The following RNF213 variants were observed in gnomAD, a reference collection of about 807,000 sequenced individuals.
RNF213 encodes ring finger protein 213, also known as E3 ubiquitin-protein ligase RNF213.
A neutral mutation model predicts 514.4 loss-of-function variants in RNF213; 341 were observed. The observed-to-expected ratio is 0.66, with a 90% CI of 0.61 to 0.73. RNF213 has a LOEUF of 0.73. RNF213 is among the 30% of genes least tolerant of loss of function. The pLI is 0.00. For missense variants in RNF213, 5,767 were observed against 6,615.6 expected, an observed-to-expected ratio of 0.87 and a Z score of 4.45; for synonymous variants, 2,655 against 2,658.2, an observed-to-expected ratio of 1.00 and a Z score of 0.04.
rs367938983 is a variant in RNF213 at position 80,363,329 on chromosome 17, C to G, written c.11568+15C>G. On this transcript the variant is annotated intron_variant, in intron 40 of 67. Coordinates refer to ENST00000582970, the MANE Select transcript of RNF213 (RefSeq NM_001256071.3). The stretch of plus-strand genomic sequence containing the variant: ...GATGTGAGATGGTATGGCCCTCCTC[C>G]GCCTGCCCTGAGCAAGCCTTGTGGT... The G allele has an allele frequency of 6.2e-7, 1 of 1,611,050 alleles. No homozygotes were observed. The highest frequency in any genetic ancestry group is 1.1e-5 in the South Asian group (1 of 91,010).
At chr17:80,284,202 A>G (rs1420990935) in intron 3 of RNF213, among the ~76,000 whole-genome samples, 1 of 120,340 alleles carries the variant, frequency 8.3e-6, no homozygotes, top group African/African-American at 3.9e-5. Context: ...ACAAAAATAC[A>G]AAAAAAAAAA....
intron 3 of RNF213, among the ~76,000 whole-genome samples, chr17:80,276,990 G>A (rs1263216497): frequency 1.3e-5 from 2 of 151,968 alleles, no homozygotes; most frequent in African/African-American, 4.8e-5. Context: ...CCGGGAGGGG[G>A]AGGTTTCAGT....
Position 80,390,065 on chromosome 17 carries a change from T to A in RNF213, c.15339T>A (p.Asn5113Lys), listed in dbSNP as rs2080400974. 3 of 1,614,192 alleles carry A rather than the reference T, an allele frequency of 1.9e-6. No homozygotes were observed. The highest frequency in any genetic ancestry group is 2.5e-6 in the Non-Finnish European group (3 of 1,180,024). ...ACAAAGCGGATCTGAGCCCGGAAAA[T>A]GCTAAGCTCCTCAGCACATTCCTAA... The part of the protein sequence containing the change: ...SRYKADLSPE[N>K]AKLLSTFLNQ... The change falls in exon 67 of 68, where the codon AAT becomes AAA. Residue 5113 changes from asparagine to lysine, a missense_variant. By Grantham distance (94) the Asn-to-Lys change is moderately conservative (BLOSUM62 0). This residue lies in a region of RNF213 where 1,245 missense variants were observed against 1,339.0 expected (regional missense o/e 0.93). Transcript: ENST00000582970.
At chr17:80,269,383 C>CTAT (rs1598881872) in intron 2 of RNF213, among the ~76,000 whole-genome samples, 1 of 152,120 alleles carries the variant, frequency 6.6e-6, no homozygotes, top group East Asian at 1.9e-4. Flanking sequence ...ATCTATCTAT[C>CTAT]CACCTATCCA....
At chr17:80,307,692 G>A (rs1052331905) in intron 13 of RNF213, among the ~76,000 whole-genome samples, 7 of 152,080 alleles carry the variant, frequency 4.6e-5, no homozygotes, top group Non-Finnish European at 7.4e-5. Context: ...TGGGATTACA[G>A]GCGCATGCCA....
intron 11 of RNF213, among the ~76,000 whole-genome samples, chr17:80,304,094 T>C (rs981039790): frequency 1.7e-4 from 26 of 152,014 alleles, no homozygotes; most frequent in Non-Finnish European, 3.1e-4. Flanking sequence ...TACTTATCTT[T>C]AAATATCTTG....
intron 44 of RNF213, 42 bp downstream of exon 44, chr17:80,368,185 T>G: frequency 6.2e-7 from 1 of 1,604,880 alleles, no homozygotes; most frequent in Non-Finnish European, 8.5e-7. Flanking sequence ...TTTTTTTCAT[T>G]TTCCTTTTTT....
At position 80,379,672 on chromosome 17, in the gene RNF213, G is replaced by C; in HGVS notation, c.13598G>C (p.Gly4533Ala). 3.7e-6 allele frequency: 6 copies of C among 1,614,234 alleles called. No individual in the cohort carries two copies. Among genetic ancestry groups the C allele is most frequent in the Non-Finnish European group, 5.1e-6 (6 of 1,180,042 alleles). The change falls in exon 55 of 68, where the codon GGA becomes GCA. Residue 4533 changes from glycine (G) to alanine (A), a missense_variant. By Grantham distance (60) the Gly-to-Ala change is moderately conservative. Coordinates refer to ENST00000582970, the MANE Select transcript of RNF213 (RefSeq NM_001256071.3). ...TGCATTGACTGCCATGCGCCGATTG[G>C]AGGCATTGACCACAAACCTCGGGAC... ...SICIDCHAPI[G>A]GIDHKPRDGF... is the part of the protein sequence containing the mutation.
chr17:80,303,162 GGA>G (rs1179612942), intron 11 of RNF213, among the ~76,000 whole-genome samples: 2 of 152,176 alleles, frequency 1.3e-5, no homozygotes. Flanking sequence ...CATTCTAGCT[GGA>G]GAGGCAGGCA....
At position 80,367,272 on chromosome 17, in the gene RNF213, G is replaced by A. The variant is rs114745496; in HGVS notation, c.11872-476G>A. Among the ~76,000 whole-genome samples the A allele has an allele frequency of 7.9e-3, 1,201 of 152,310 alleles. 20 individuals carry two copies. Among genetic ancestry groups the A allele is most frequent in the African/African-American group, 0.027 (1,134 of 41,554 alleles). On this transcript the variant is annotated intron_variant, in intron 42 of 67. Coordinates refer to ENST00000582970, the MANE Select transcript of RNF213 (RefSeq NM_001256071.3). ...AGAAATATAGTTATCTCTGGGGAGGGACGGAGGGATGTGAAGTTGTAACTA... is the reference window on the plus strand; with the variant it reads ...AGAAATATAGTTATCTCTGGGGAGGAACGGAGGGATGTGAAGTTGTAACTA...
At chr17:80,354,235 C>G (rs1383392799) in intron 35 of RNF213, 69 bp downstream of exon 35, 6 of 1,569,760 alleles carry the variant, frequency 3.8e-6, no homozygotes, top group African/African-American at 1.3e-5. Context: ...GGCATCATTT[C>G]ACTGTGTGTT....
intron 47 of RNF213, 26 bp downstream of exon 47, chr17:80,372,011 T>C: frequency 8.1e-7 from 1 of 1,230,140 alleles, no homozygotes; most frequent in Non-Finnish European, 1.2e-6. Context: ...CTTCCCTGAA[T>C]TTCTTTTGGA....
In RNF213 at chr17:80,315,149, G is replaced by C. The variant is rs1218863066; in HGVS notation, c.2811+1982G>C. 3.5e-4 allele frequency among the ~76,000 whole-genome samples: 3 copies of C among 8,554 alleles called. 1 individual carries two copies. Among genetic ancestry groups the C allele is most frequent in the Non-Finnish European group, 6.1e-4 (3 of 4,928 alleles). 5.6% of individuals were successfully genotyped at this position (8,554 alleles called of 152,430 possible). On this transcript the variant is annotated intron_variant, in intron 15 of 67. Coordinates refer to ENST00000582970, the MANE Select transcript of RNF213 (RefSeq NM_001256071.3). The stretch of plus-strand genomic sequence containing the variant: ...AGGTACTGGAGGTGATGGTGGTAAA[G>C]GTGATGGTGGAGGTAATGGAGGTGA...
At chr17:80,261,330 T>C (rs1026651633) in intron 1 of RNF213, among the ~76,000 whole-genome samples, 1 of 152,202 alleles carries the variant, frequency 6.6e-6, no homozygotes, top group African/African-American at 2.4e-5. Context: ...AAAGTGAAGT[T>C]GCAAAAACAG....
chr17:80,305,908 C>CA (rs2045341084), intron 11 of RNF213, among the ~76,000 whole-genome samples: 1 of 152,114 alleles, frequency 6.6e-6, no homozygotes, highest in South Asian at 2.1e-4. Context: ...CGTGAGCCAC[C>CA]ACGCCCGGCC....
intron 63 of RNF213, 38 bp from the exon 64 acceptor site, chr17:80,388,574 G>C: frequency 7.5e-7 from 1 of 1,338,446 alleles, no homozygotes. Context: ...GTCCACGATG[G>C]ATTTAATTTT....
At chr17:80,357,992 G>A (rs982209198) in intron 36 of RNF213, among the ~76,000 whole-genome samples, 3 of 151,558 alleles carry the variant, frequency 2.0e-5, no homozygotes, top group Admixed American at 1.3e-4. Flanking sequence ...TCACATACAT[G>A]TTTTAAAAAT....
Position 80,353,185 on chromosome 17 carries a change from G to A in RNF213, c.10423+126G>A, listed in dbSNP as rs2078595245. On this transcript the variant is annotated intron_variant, in intron 33 of 67. Transcript: ENST00000582970. This position sits in a 1 kb window ranked among gnomAD's most constrained non-coding sequence, Gnocchi z 5.0. ...GTTTCGTCCCTCGGCAGGAGCTCGG[G>A]GACACATCTGCAGAACTGACTGGTG... 7.6e-7 allele frequency: 1 copy of A among 1,307,216 alleles called. No individual in the cohort carries two copies. The highest frequency in any genetic ancestry group is 1.4e-5 in the African/African-American group (1 of 69,544). 81.0% of individuals were successfully genotyped at this position (1,307,216 alleles called of 1,614,324 possible).
At position 80,396,049 on chromosome 17, in the gene RNF213, C is replaced by T. The variant is rs2080652660; in HGVS notation, c.*2551C>T. ...AGAGTTCTTTCTGCTTTCAGCCCTA[C>T]CTTGGTGGTGATTTACCTGAAAATC... is the stretch of plus-strand genomic sequence containing the variant. On this transcript the variant is annotated 3_prime_UTR_variant, in exon 68 of 68. Coordinates refer to ENST00000582970, the MANE Select transcript of RNF213 (RefSeq NM_001256071.3). 1 of 152,284 alleles carries T rather than the reference C, an allele frequency of 6.6e-6. No individual in the cohort carries two copies. Among genetic ancestry groups the T allele is most frequent in the South Asian group, 2.1e-4 (1 of 4,828 alleles). The allele number at this position is 152,284 out of a possible 1,614,324, so 9.4% of individuals were successfully genotyped here.
Sources: gnomAD v4.1 joint callset for allele counts (sites outside exome capture counted in the v4.1 genomes callset) on GRCh38, gnomAD v4.1.1 for gene constraint, gnomAD v4.1.1 regional missense constraint, Gnocchi (gnomAD v3.1) non-coding constraint, MANE v1.5 for transcripts, NCBI Gene and HGNC (gene_info 2026-07-23, HGNC 2026-07-21) for gene names.